Variants in NDUFV2 observed in about 807,000 individuals in gnomAD.
NDUFV2 encodes the protein NADH:ubiquinone oxidoreductase core subunit V2, also known as NADH dehydrogenase [ubiquinone] flavoprotein 2, mitochondrial.
In NDUFV2, 18 loss-of-function variants were observed where a neutral mutation model predicts 31.6. The observed-to-expected ratio is 0.57, with a 90% CI of 0.39 to 0.84. The LOEUF (loss-of-function observed/expected upper bound fraction) is 0.84. Among genes scored for constraint, NDUFV2 ranks in the 40% least tolerant of loss-of-function variants. NDUFV2 has a pLI of 0.00. For missense variants in NDUFV2, 314 were observed against 303.6 expected, an observed-to-expected ratio of 1.03 and a Z score of -0.26; for synonymous variants, 83 against 99.8, an observed-to-expected ratio of 0.83 and a Z score of 1.01.
intron 1 of NDUFV2, among the ~76,000 whole-genome samples, chr18:9,108,514 G>C (rs1299170025): frequency 6.6e-6 from 1 of 152,092 alleles, no homozygotes; most frequent in East Asian, 1.9e-4. Flanking sequence ...CTACTTGGTA[G>C]GCTTGCTGAG....
intron 6 of NDUFV2, 31 bp downstream of exon 6, chr18:9,125,014 T>C (rs759204575): frequency 4.0e-5 from 64 of 1,601,224 alleles, no homozygotes; most frequent in Non-Finnish European, 3.4e-6. Flanking sequence ...AAGTTAAAGT[T>C]GTATGATGTC....
chr18:9,110,044 A>AT (rs2077862183), intron 1 of NDUFV2, among the ~76,000 whole-genome samples: 1 of 151,998 alleles, frequency 6.6e-6, no homozygotes, highest in African/African-American at 2.4e-5. Context: ...ATTGGACTCA[A>AT]TTGGAATTTC....
chr18:9,105,980 G>C (rs1208639390), intron 1 of NDUFV2, among the ~76,000 whole-genome samples: 1 of 152,130 alleles, frequency 6.6e-6, no homozygotes, highest in Non-Finnish European at 1.5e-5. Context: ...TGAATTTTGT[G>C]AATGATACGT....
intron 4 of NDUFV2, 84 bp from the exon 5 acceptor site, chr18:9,122,429 T>C (rs1453108899): frequency 1.6e-6 from 2 of 1,257,612 alleles, no homozygotes; most frequent in South Asian, 1.3e-5. Flanking sequence ...TGAGACAATA[T>C]TGAAATTATA....
intron 2 of NDUFV2, among the ~76,000 whole-genome samples, chr18:9,118,142 T>G (rs1451174328): frequency 6.6e-6 from 1 of 152,190 alleles, no homozygotes; most frequent in Non-Finnish European, 1.5e-5. Flanking sequence ...CCAGTGAAAT[T>G]ACTGTGTGAG....
chr18:9,123,869 T>C (rs961960120), intron 5 of NDUFV2, among the ~76,000 whole-genome samples: 2 of 152,240 alleles, frequency 1.3e-5, no homozygotes, highest in Non-Finnish European at 2.9e-5. Context: ...TATGCTGAGA[T>C]AGTTTACAAG....
rs756653973 is a variant in NDUFV2 at position 9,122,605 on chromosome 18, C to CA, written c.394dup (p.Ile132AsnfsTer15). The CA allele has an allele frequency of 6.2e-7, 1 of 1,614,030 alleles. No individual in the cohort carries two copies. The highest frequency in any genetic ancestry group is 1.7e-5 in the Admixed American group (1 of 60,028). Reference sequence around the variant, plus strand: ...ATCGAAAGCCAGTTGGAAAGTATCACATTCAGGTCTGCACTACTACACCCT... The same window carrying CA: ...ATCGAAAGCCAGTTGGAAAGTATCACAATTCAGGTCTGCACTACTACACCCT... On this transcript the variant is annotated frameshift_variant, in exon 5 of 8. Coordinates refer to ENST00000318388, the MANE Select transcript of NDUFV2 (RefSeq NM_021074.5). LOFTEE classifies it high-confidence loss of function.
At chr18:9,104,567 A>G (rs578135029) in intron 1 of NDUFV2, among the ~76,000 whole-genome samples, 2 of 152,352 alleles carry the variant, frequency 1.3e-5, no homozygotes, top group East Asian at 3.9e-4. Flanking sequence ...GGCTAGAAGT[A>G]TAAATTGAAA....
At chr18:9,125,134 T>A in intron 6 of NDUFV2, 151 bp downstream of exon 6, 1 of 870,306 alleles carries the variant, frequency 1.1e-6, no homozygotes, top group Non-Finnish European at 1.7e-6. Context: ...AAAAATTCTT[T>A]AAACATTTTT....
intron 4 of NDUFV2, among the ~76,000 whole-genome samples, chr18:9,120,899 T>C (rs961360724): frequency 3.9e-5 from 6 of 152,144 alleles, no homozygotes; most frequent in African/African-American, 1.4e-4. Context: ...TTGGAAATCT[T>C]GCTGAGTGGC....
In NDUFV2 at chr18:9,104,815, C is replaced by T. The variant is rs187334170; in HGVS notation, c.54+2018C>T. 1.7e-3 allele frequency: 1,481 copies of T among 884,470 alleles called. 2 individuals carry two copies. Among genetic ancestry groups the T allele is most frequent in the Admixed American group, 2.4e-3 (72 of 30,458 alleles). 54.8% of individuals were successfully genotyped at this position (884,470 alleles called of 1,614,324 possible). A position where few individuals can be genotyped will look rare whatever the true frequency, so the allele number is the denominator to read the frequency against. ...GAATAAGTTTAATTTTTATTACACA[C>T]GTCATACGTGTGTAGAAAAAACAAT... On this transcript the variant is annotated intron_variant, in intron 1 of 7. Coordinates refer to ENST00000318388, the MANE Select transcript of NDUFV2 (RefSeq NM_021074.5).
chr18:9,119,611 T>C, intron 4 of NDUFV2, 21 bp downstream of exon 4: 3 of 1,574,000 alleles, frequency 1.9e-6, no homozygotes, highest in Non-Finnish European at 2.6e-6. Flanking sequence ...CATTTTTGCC[T>C]TAGTTCTAAA....
chr18:9,114,607 G>A (rs932184815), intron 1 of NDUFV2, among the ~76,000 whole-genome samples: 15 of 151,598 alleles, frequency 9.9e-5, no homozygotes, highest in Admixed American at 8.5e-4. Context: ...CAGAAATTGA[G>A]GCTTAAAAAA....
At chr18:9,114,818 A>G (rs922225901) in intron 1 of NDUFV2, among the ~76,000 whole-genome samples, 1 of 152,220 alleles carries the variant, frequency 6.6e-6, no homozygotes, top group African/African-American at 2.4e-5. Context: ...CTGTGAACTC[A>G]TGTGCGTATC....
intron 4 of NDUFV2, chr18:9,121,167 G>A (rs1374208695): frequency 1.3e-5 from 2 of 152,124 alleles, no homozygotes; most frequent in African/African-American, 4.8e-5. Context: ...ATAGGGAATA[G>A]ACTCAAGATT....
chr18:9,105,029 CT>C, intron 1 of NDUFV2: 1 of 1,466,940 alleles, frequency 6.8e-7, no homozygotes, highest in Non-Finnish European at 9.2e-7. Flanking sequence ...TTCTGAACAG[CT>C]TTCCTTATCA....
chr18:9,106,235 T>C lies in NDUFV2; in HGVS notation c.54+3438T>C, dbSNP rs1197981289. On this transcript the variant is annotated intron_variant, in intron 1 of 7. Transcript: ENST00000318388. ...TTTTCTAGGATTTCCCACTTTACCA[T>C]GTCTGTTGTTCCAAACTCTCACTGA... Among the ~76,000 whole-genome samples the C allele has an allele frequency of 3.3e-5, 5 of 152,224 alleles. No homozygotes were observed. In the East Asian group the frequency reaches 9.6e-4, roughly 29 times the overall value.
At position 9,134,196 on chromosome 18, in the gene NDUFV2, T is replaced by C; in HGVS notation, c.667T>C (p.Phe223Leu). ...TACTTTTCATTTCAGGAGTGGACGC[T>C]TCTCTTGTGAGCCAGCTGGAGGTCT... is the stretch of plus-strand genomic sequence containing the variant. ...IPKPGPRSGR[F>L]SCEPAGGLTS... Residue 223 changes from phenylalanine to leucine, a missense_variant, in exon 8 of 8, where the codon TTC (phenylalanine) becomes CTC (leucine). Coordinates refer to ENST00000318388, the MANE Select transcript of NDUFV2 (RefSeq NM_021074.5). 2.5e-6 allele frequency: 4 copies of C among 1,613,374 alleles called. No individual in the cohort carries two copies. In the South Asian group the frequency reaches 4.4e-5, roughly 18 times the overall value.
At chr18:9,115,911 C>T (rs1393327693) in intron 1 of NDUFV2, 2 of 151,356 alleles carry the variant, frequency 1.3e-5, no homozygotes, top group Non-Finnish European at 2.9e-5. Context: ...TGGTAATTTG[C>T]TTTCTAAAAG....
Sources: gnomAD v4.1 joint callset for allele counts (sites outside exome capture counted in the v4.1 genomes callset) on GRCh38, gnomAD v4.1.1 for gene constraint, MANE v1.5 for transcripts, NCBI Gene and HGNC (gene_info 2026-07-23, HGNC 2026-07-21) for gene names.